The following FER variants were observed in gnomAD, a reference collection of about 807,000 sequenced individuals.
FER encodes FER tyrosine kinase, also known as tyrosine-protein kinase Fer.
In FER, 63 loss-of-function variants were observed where a neutral mutation model predicts 111.0. That is an observed-to-expected ratio of 0.57 (90% CI 0.46 to 0.70). The LOEUF is 0.70. Ranked by LOEUF, FER falls within the 30% of genes least tolerant of loss-of-function variation. The probability of loss-of-function intolerance (pLI) is 0.00; values close to 1 mark genes in which losing one functional copy is unlikely to be tolerated. For missense variants in FER, 914 were observed against 954.0 expected (o/e 0.96, Z 0.55); for synonymous variants, 327 against 313.9 (o/e 1.04, Z -0.44).
chr5:108,863,508 A>G (rs1335734199), intron 5 of FER, among the ~76,000 whole-genome samples: 2 of 152,214 alleles, frequency 1.3e-5, no homozygotes, highest in African/African-American at 4.8e-5. Context: ...ATGCTATTGT[A>G]TTATTCTATG....
At chr5:109,164,213 C>A (rs1255824427) in intron 17 of FER, among the ~76,000 whole-genome samples, 1 of 152,160 alleles carries the variant, frequency 6.6e-6, no homozygotes, top group African/African-American at 2.4e-5. Flanking sequence ...ACACAACTTC[C>A]CCAAAATGAC....
chr5:108,959,353 T>C lies in FER; in HGVS notation c.1656+6T>C. The stretch of plus-strand genomic sequence containing the variant: ...TGCTGAATCCTATTCCTAAGGTAGG[T>C]GCTTATATACTTTTTTGTCTGTTTG... On this transcript the variant is annotated splice_donor_region_variant and intron_variant, in intron 13 of 19. Transcript: ENST00000281092. 6.2e-7 allele frequency: 1 copy of C among 1,601,654 alleles called. No individual in the cohort carries two copies. The highest frequency in any genetic ancestry group is 8.5e-7 in the Non-Finnish European group (1 of 1,175,046).
chr5:109,085,924 A>G (rs1333520942), intron 16 of FER, among the ~76,000 whole-genome samples: 1 of 151,816 alleles, frequency 6.6e-6, no homozygotes, highest in African/African-American at 2.4e-5. Context: ...ACCTTTTCAA[A>G]GTATTGCTGC....
chr5:108,752,101 A>G (rs187331534), intron 1 of FER, among the ~76,000 whole-genome samples: 1 of 152,074 alleles, frequency 6.6e-6, no homozygotes, highest in Admixed American at 6.5e-5. Context: ...CTATCATGCT[A>G]TTGAGAGACT....
intron 13 of FER, among the ~76,000 whole-genome samples, chr5:108,978,379 C>T (rs1761639224): frequency 6.6e-6 from 1 of 152,174 alleles, no homozygotes; most frequent in Admixed American, 6.5e-5. Context: ...AAATCCCTTT[C>T]ACTCCCAGAA....
At chr5:108,863,218 A>G (rs1372203286) in intron 5 of FER, among the ~76,000 whole-genome samples, 1 of 151,974 alleles carries the variant, frequency 6.6e-6, no homozygotes. Flanking sequence ...CTCCTGGGTT[A>G]AAGTGATTCT....
At chr5:109,153,346 T>C (rs1755049992) in intron 17 of FER, among the ~76,000 whole-genome samples, 1 of 151,944 alleles carries the variant, frequency 6.6e-6, no homozygotes, top group African/African-American at 2.4e-5. Flanking sequence ...TTTCAAGTGA[T>C]AGGATTTGAT....
At chr5:108,820,520 A>G in intron 3 of FER, 1 of 985,432 alleles carries the variant, frequency 1.0e-6, no homozygotes, top group Non-Finnish European at 1.2e-6. Flanking sequence ...ATTGGGAAAG[A>G]AAAGGTAATA....
intron 10 of FER, among the ~76,000 whole-genome samples, chr5:108,929,204 G>C (rs1409540141): frequency 6.6e-6 from 1 of 152,054 alleles, no homozygotes; most frequent in Non-Finnish European, 1.5e-5. Flanking sequence ...AGTAAAAACA[G>C]ACTGTTTGTT....
chr5:108,835,184 A>AC (rs1337713990), intron 4 of FER, among the ~76,000 whole-genome samples: 1,363 of 28,866 alleles, frequency 0.047, 176 homozygotes, highest in East Asian at 0.089. Context: ...CGTTTGCGCC[A>AC]CCCCCCCCCC....
intron 13 of FER, among the ~76,000 whole-genome samples, chr5:109,028,519 G>T (rs1227900994): frequency 6.6e-6 from 1 of 152,050 alleles, no homozygotes; most frequent in African/African-American, 2.4e-5. Context: ...TGTTAGAAAG[G>T]ACATAAGCTT....
chr5:108,770,202 T>C (rs10477932), intron 2 of FER, among the ~76,000 whole-genome samples: 40,499 of 152,134 alleles, frequency 0.27, 6,059 homozygotes, highest in African/African-American at 0.4. Flanking sequence ...CCCACCTTGG[T>C]GTCCCAAAGT....
chr5:109,070,487 G>A (rs1195240118), intron 16 of FER, among the ~76,000 whole-genome samples: 1 of 151,948 alleles, frequency 6.6e-6, no homozygotes, highest in Non-Finnish European at 1.5e-5. Flanking sequence ...TGAAATTTAG[G>A]TGTTCCCTGT....
At chr5:109,186,425 TTG>T (rs1758872661) in intron 19 of FER, 103 bp downstream of exon 19, 1 of 1,550,008 alleles carries the variant, frequency 6.5e-7, no homozygotes, top group Non-Finnish European at 8.8e-7. Context: ...TACTGTTTGG[TTG>T]TGTTATGAGA....
chr5:109,033,840 A>T (rs1769986217), intron 13 of FER, among the ~76,000 whole-genome samples: 1 of 152,060 alleles, frequency 6.6e-6, no homozygotes, highest in African/African-American at 2.4e-5. Flanking sequence ...TATTATTTAA[A>T]TTTTTACTTT....
At chr5:109,160,406 T>G (rs72798568) in intron 17 of FER, among the ~76,000 whole-genome samples, 11,894 of 152,244 alleles carry the variant, frequency 0.078, 515 homozygotes, top group Middle Eastern at 0.12. Context: ...ATCAATAACT[T>G]TTCTTGAAGA....
At chr5:109,084,832 A>G (rs895847069) in intron 16 of FER, among the ~76,000 whole-genome samples, 2 of 151,922 alleles carry the variant, frequency 1.3e-5, no homozygotes, top group Admixed American at 1.3e-4. Context: ...AGTTCTTTCA[A>G]CTATCAATTC....
chr5:108,877,039 CT>C (rs1765158121), intron 8 of FER, among the ~76,000 whole-genome samples: 1 of 152,040 alleles, frequency 6.6e-6, no homozygotes. Flanking sequence ...GCTTTCTGTG[CT>C]TTTATCAGAA....
chr5:108,812,565 T>G (rs915366884), intron 3 of FER, among the ~76,000 whole-genome samples: 1 of 152,208 alleles, frequency 6.6e-6, no homozygotes, highest in Non-Finnish European at 1.5e-5. Context: ...AGTGTGATTA[T>G]TGATATGATT....
Sources: allele counts gnomAD v4.1 joint callset (sites outside exome capture counted in the v4.1 genomes callset), GRCh38; gene constraint gnomAD v4.1.1; transcripts MANE v1.5; gene names NCBI Gene and HGNC (gene_info 2026-07-23, HGNC 2026-07-21).